Variants in MAP4K3 observed in about 807,000 individuals in gnomAD.
MAP4K3 encodes the protein mitogen-activated protein kinase kinase kinase kinase 3, also known as MAPK/ERK kinase kinase kinase 3.
Under a neutral mutation model 143.5 loss-of-function variants are expected in MAP4K3, and 94 were observed. That is an observed-to-expected ratio of 0.65 (90% CI 0.55 to 0.78). The LOEUF (loss-of-function observed/expected upper bound fraction) is 0.78. Ranked by LOEUF, MAP4K3 falls within the 30% of genes least tolerant of loss-of-function variation. MAP4K3 has a pLI of 0.00. For missense variants in MAP4K3, 1,077 were observed against 1,068.1 expected (o/e 1.01, Z -0.12); for synonymous variants, 416 against 347.2 (o/e 1.20, Z -2.20).
intron 13 of MAP4K3, among the ~76,000 whole-genome samples, chr2:39,309,805 G>A (rs933269622): frequency 7.9e-5 from 12 of 151,690 alleles, no homozygotes; most frequent in Non-Finnish European, 1.3e-4. Flanking sequence ...TGATCCACCC[G>A]CCTCGGCCTC....
rs762414647 is a variant in MAP4K3 at position 39,343,380 on chromosome 2, G to C, written c.310+8C>G. ...CTAACCCCTATAAAAATACAACTTT[G>C]GTCTTACCGTGATAAATATCCTGTA... On this transcript the variant is annotated splice_region_variant and intron_variant, in intron 4 of 33. Coordinates refer to ENST00000263881, the MANE Select transcript of MAP4K3 (RefSeq NM_003618.4). The C allele has an allele frequency of 7.5e-6, 12 of 1,604,098 alleles. No individual in the cohort carries two copies. The Admixed American group carries it at 1.0e-4, about 13-fold the overall frequency.
intron 1 of MAP4K3, among the ~76,000 whole-genome samples, chr2:39,409,964 A>C (rs1667192516): frequency 6.6e-6 from 1 of 152,226 alleles, no homozygotes; most frequent in Non-Finnish European, 1.5e-5. Flanking sequence ...AAATAGCAGA[A>C]AGGTATTTCC....
At chr2:39,299,343 A>G (rs1344991825) in intron 16 of MAP4K3, among the ~76,000 whole-genome samples, 2 of 152,210 alleles carry the variant, frequency 1.3e-5, no homozygotes, top group South Asian at 2.1e-4. Context: ...CTTATAGCTA[A>G]AAAGTTAAGA....
intron 2 of MAP4K3, among the ~76,000 whole-genome samples, chr2:39,377,444 A>G (rs1666250302): frequency 6.6e-6 from 1 of 152,024 alleles, no homozygotes; most frequent in Non-Finnish European, 1.5e-5. Context: ...AGAATAAACA[A>G]AGAGTGAGTA....
intron 12 of MAP4K3, among the ~76,000 whole-genome samples, chr2:39,321,059 A>G (rs544104432): frequency 7.9e-5 from 12 of 152,324 alleles, no homozygotes; most frequent in African/African-American, 2.9e-4. Flanking sequence ...TAGGTATTTA[A>G]ATTTTACATG....
At chr2:39,343,491 T>G (rs1665199591) in intron 3 of MAP4K3, 39 bp from the exon 4 acceptor site, 1 of 1,545,082 alleles carries the variant, frequency 6.5e-7, no homozygotes, top group African/African-American at 1.4e-5. Flanking sequence ...ATTTTCATGA[T>G]TAAAACTGTC....
chr2:39,278,507 T>G (rs1268638217), intron 23 of MAP4K3, 21 bp from the exon 24 acceptor site: 1 of 1,334,890 alleles, frequency 7.5e-7, no homozygotes, highest in African/African-American at 1.5e-5. Flanking sequence ...AGTAATTCAC[T>G]GACTGATTTT....
intron 1 of MAP4K3, among the ~76,000 whole-genome samples, chr2:39,392,803 T>G (rs1283441703): frequency 6.6e-6 from 1 of 152,220 alleles, no homozygotes; most frequent in Non-Finnish European, 1.5e-5. Flanking sequence ...GCTCTCTTGA[T>G]CTTTCGCCCT....
intron 31 of MAP4K3, among the ~76,000 whole-genome samples, 167 bp downstream of exon 31, chr2:39,258,181 C>G (rs1680422318): frequency 6.6e-6 from 1 of 152,214 alleles, no homozygotes. Flanking sequence ...ATCCACCCAC[C>G]TTGGCCTCCC....
intron 2 of MAP4K3, among the ~76,000 whole-genome samples, chr2:39,361,219 T>C (rs1349558023): frequency 6.6e-6 from 1 of 152,156 alleles, no homozygotes; most frequent in African/African-American, 2.4e-5. Context: ...CTCTACATTA[T>C]AGCAATTATA....
chr2:39,305,513 GGT>G (rs1440914496), intron 15 of MAP4K3, among the ~76,000 whole-genome samples: 1 of 152,128 alleles, frequency 6.6e-6, no homozygotes, highest in Admixed American at 6.5e-5. Flanking sequence ...AATAATGCCT[GGT>G]ATATAAAAAC....
intron 26 of MAP4K3, among the ~76,000 whole-genome samples, chr2:39,269,527 T>C (rs1037359983): frequency 2.2e-5 from 3 of 134,186 alleles, no homozygotes; most frequent in Non-Finnish European, 4.6e-5. Context: ...CAGGATGGAG[T>C]GCAGTGGCTC....
intron 6 of MAP4K3, among the ~76,000 whole-genome samples, chr2:39,335,356 A>G (rs755951207): frequency 3.3e-5 from 5 of 152,164 alleles, no homozygotes; most frequent in Non-Finnish European, 5.9e-5. Flanking sequence ...ACCACATGAT[A>G]TAATATTATG....
intron 28 of MAP4K3, among the ~76,000 whole-genome samples, chr2:39,261,454 C>G (rs911322581): frequency 1.3e-5 from 2 of 151,856 alleles, no homozygotes; most frequent in African/African-American, 4.8e-5. Flanking sequence ...CTATACATAC[C>G]CACCGAATGG....
chr2:39,310,377 C>G (rs1259577705), intron 13 of MAP4K3, among the ~76,000 whole-genome samples: 1 of 152,146 alleles, frequency 6.6e-6, no homozygotes, highest in Non-Finnish European at 1.5e-5. Flanking sequence ...AGTCACTTAA[C>G]ATTAATGTCC....
At chr2:39,315,619 G>A in intron 12 of MAP4K3, 1 of 458,090 alleles carries the variant, frequency 2.2e-6, no homozygotes, top group Non-Finnish European at 3.9e-6. Flanking sequence ...TACTAGAAAG[G>A]GCACTTCTTT....
At chr2:39,288,333 G>C in intron 19 of MAP4K3, 53 bp from the exon 20 acceptor site, 2 of 1,509,994 alleles carry the variant, frequency 1.3e-6, no homozygotes, top group Non-Finnish European at 1.8e-6. Flanking sequence ...TTATTTTCCT[G>C]AAGTAAGTAC....
chr2:39,306,468 C>A (rs1000911416), intron 15 of MAP4K3, among the ~76,000 whole-genome samples: 1 of 152,160 alleles, frequency 6.6e-6, no homozygotes, highest in African/African-American at 2.4e-5. Flanking sequence ...TCAACTGCTT[C>A]TTCCCTACTT....
chr2:39,251,313 A>C (rs1279497688), intron 33 of MAP4K3, among the ~76,000 whole-genome samples: 1 of 152,202 alleles, frequency 6.6e-6, no homozygotes, highest in Non-Finnish European at 1.5e-5. Context: ...AACATGAGTA[A>C]ACAAGCTATT....
Sources: allele counts gnomAD v4.1 joint callset (sites outside exome capture counted in the v4.1 genomes callset), GRCh38; gene constraint gnomAD v4.1.1; transcripts MANE v1.5; gene names NCBI Gene and HGNC (gene_info 2026-07-23, HGNC 2026-07-21).